GRID2: variants seen among roughly 807,000 people sequenced by gnomAD.
GRID2 encodes glutamate receptor ionotropic, delta-2.
Under a neutral mutation model 114.8 loss-of-function variants are expected in GRID2, and 33 were observed. The ratio of observed to expected loss-of-function variants is 0.29; its 90% CI spans 0.22 to 0.38. The LOEUF is 0.38. GRID2 is among the 10% of genes least tolerant of loss of function. GRID2 has a pLI of 1.00. For synonymous variants in GRID2, 505 were observed against 449.9 expected (o/e 1.12, Z -1.55); for missense variants, 1,184 against 1,257.7 (o/e 0.94, Z 0.89).
At chr4:93,053,716 G>A (rs1260836583) in intron 2 of GRID2, among the ~76,000 whole-genome samples, 1 of 151,890 alleles carries the variant, frequency 6.6e-6, no homozygotes, top group East Asian at 1.9e-4. Flanking sequence ...CGAAATGCCA[G>A]CAATTTAATC....
intron 14 of GRID2, among the ~76,000 whole-genome samples, chr4:93,728,931 T>A (rs1305627738): frequency 6.6e-6 from 1 of 152,206 alleles, no homozygotes; most frequent in Admixed American, 6.5e-5. Flanking sequence ...GGGTATTGAC[T>A]CTTTTTCCAG....
At chr4:92,365,456 GAAT>G (rs905877278) in intron 1 of GRID2, among the ~76,000 whole-genome samples, 45 of 151,872 alleles carry the variant, frequency 3.0e-4, no homozygotes, top group Non-Finnish European at 2.9e-5. Flanking sequence ...GTAGAGAGTA[GAAT>G]GAGAGTTAAC....
chr4:93,545,366 G>T (rs1275860750), intron 13 of GRID2, among the ~76,000 whole-genome samples: 1 of 152,150 alleles, frequency 6.6e-6, no homozygotes, highest in Non-Finnish European at 1.5e-5. Context: ...AGATTTAGTA[G>T]CTATGGGAAG....
At chr4:92,795,378 C>T (rs1422459426) in intron 2 of GRID2, among the ~76,000 whole-genome samples, 1 of 151,830 alleles carries the variant, frequency 6.6e-6, no homozygotes, top group Non-Finnish European at 1.5e-5. Flanking sequence ...TCTGTTGCCA[C>T]CACCATGTAA....
intron 4 of GRID2, among the ~76,000 whole-genome samples, chr4:93,118,072 A>G (rs1283192939): frequency 6.6e-6 from 1 of 152,050 alleles, no homozygotes; most frequent in Non-Finnish European, 1.5e-5. Context: ...AACTATCAAG[A>G]CTTCTATGAC....
At chr4:92,889,527 A>G (rs993416958) in intron 2 of GRID2, among the ~76,000 whole-genome samples, 1 of 152,180 alleles carries the variant, frequency 6.6e-6, no homozygotes, top group African/African-American at 2.4e-5. Flanking sequence ...CATAATTGCT[A>G]CAAAGAGAAT....
At chr4:93,398,898 T>A (rs1333089552) in intron 9 of GRID2, among the ~76,000 whole-genome samples, 1 of 151,996 alleles carries the variant, frequency 6.6e-6, no homozygotes, top group Non-Finnish European at 1.5e-5. Context: ...CTGTAACTAC[T>A]CTGAGAATGG....
chr4:93,782,582 G>T (rs1578792713), intron 1 of GRID2, among the ~76,000 whole-genome samples: 4 of 151,558 alleles, frequency 2.6e-5, no homozygotes, highest in Admixed American at 1.3e-4. Context: ...ACTTTAAAAG[G>T]TTAGCTTTTA....
intron 8 of GRID2, chr4:93,302,544 A>AGTTGTGTG (rs779976549): frequency 4.6e-5 from 21 of 455,236 alleles, no homozygotes; most frequent in South Asian, 3.1e-4. Flanking sequence ...TGTAATACAC[A>AGTTGTGTG]TACATATGTA....
At chr4:93,391,403 CTTT>C (rs908406326) in intron 8 of GRID2, among the ~76,000 whole-genome samples, 1 of 152,126 alleles carries the variant, frequency 6.6e-6, no homozygotes, top group African/African-American at 2.4e-5. Flanking sequence ...TTTGTTCCCT[CTTT>C]TTCTCAGCTG....
intron 1 of GRID2, among the ~76,000 whole-genome samples, chr4:93,795,067 TAAG>T (rs1734769562): frequency 6.6e-6 from 1 of 152,136 alleles, no homozygotes; most frequent in South Asian, 2.1e-4. Context: ...CTTTTTCACA[TAAG>T]AAGATATTTT....
intron 14 of GRID2, among the ~76,000 whole-genome samples, chr4:93,647,577 ACT>A (rs1722222462): frequency 6.6e-6 from 1 of 152,092 alleles, no homozygotes; most frequent in Non-Finnish European, 1.5e-5. Context: ...GATTAATATA[ACT>A]CTGTCTCTTC....
At chr4:92,600,062 A>G (rs1281853610) in intron 2 of GRID2, among the ~76,000 whole-genome samples, 59 of 124,762 alleles carry the variant, frequency 4.7e-4, no homozygotes, top group African/African-American at 1.3e-3. Context: ...ATATATATAT[A>G]TATATATATA....
At chr4:92,828,665 T>C (rs1741897908) in intron 2 of GRID2, among the ~76,000 whole-genome samples, 1 of 152,120 alleles carries the variant, frequency 6.6e-6, no homozygotes, top group African/African-American at 2.4e-5. Flanking sequence ...TTAACTCAAT[T>C]AATGAAGTTT....
At chr4:92,887,774 GTTTTC>G (rs1300439267) in intron 2 of GRID2, among the ~76,000 whole-genome samples, 1 of 152,154 alleles carries the variant, frequency 6.6e-6, no homozygotes, top group Non-Finnish European at 1.5e-5. Context: ...AGTGCCTCCT[GTTTTC>G]TTTACCTTTT....
At chr4:93,808,825 A>T (rs1375308302) in exon 2 of GRID2, 2 of 152,198 alleles carry the variant, frequency 1.3e-5, no homozygotes, top group African/African-American at 4.8e-5. Context: ...GTCACCAGCC[A>T]TTCCAGGAAA....
chr4:93,174,337 T>A (rs1037428856), intron 4 of GRID2, among the ~76,000 whole-genome samples: 3 of 152,212 alleles, frequency 2.0e-5, no homozygotes, highest in African/African-American at 7.2e-5. Flanking sequence ...TTTTGTAATT[T>A]CAAGCATGTT....
intron 2 of GRID2, among the ~76,000 whole-genome samples, chr4:92,775,692 C>T (rs945673958): frequency 3.9e-5 from 6 of 152,118 alleles, no homozygotes; most frequent in African/African-American, 1.4e-4. Flanking sequence ...TGGCAAGAGT[C>T]TAATTTTCAC....
At chr4:92,434,831 G>A (rs1329878989) in intron 1 of GRID2, among the ~76,000 whole-genome samples, 1 of 151,908 alleles carries the variant, frequency 6.6e-6, no homozygotes, top group African/African-American at 2.4e-5. Flanking sequence ...TTTCCTACTG[G>A]ATATGTGAGA....
Sources: gnomAD v4.1 joint callset for allele counts (sites outside exome capture counted in the v4.1 genomes callset) on GRCh38, gnomAD v4.1.1 for gene constraint, MANE v1.5 for transcripts, NCBI Gene and HGNC (gene_info 2026-07-23, HGNC 2026-07-21) for gene names.